Variants in GALNT13 observed in about 807,000 individuals in gnomAD.
The protein encoded by GALNT13 is UDP-GalNAc:polypeptide N-acetylgalactosaminyltransferase 13.
GALNT13 carries 28 observed loss-of-function variants against 64.2 expected under a neutral mutation model. The observed-to-expected ratio is 0.44, with a 90% confidence interval of 0.32 to 0.60. The LOEUF is 0.60. GALNT13 is among the 20% of genes least tolerant of loss of function. The probability of loss-of-function intolerance (pLI) is 0.05; values close to 1 mark genes in which losing one functional copy is unlikely to be tolerated. For missense variants in GALNT13, 577 were observed against 669.8 expected (o/e 0.86, Z 1.53); for synonymous variants, 214 against 224.6 (o/e 0.95, Z 0.42).
the GALNT13 span, among the ~76,000 whole-genome samples, chr2:153,389,481 C>T: frequency 6.6e-6 from 1 of 152,106 alleles, no homozygotes; most frequent in South Asian, 2.1e-4. Flanking sequence ...TTCAAACAAG[C>T]ACAAGGTCTA....
intron 4 of GALNT13, among the ~76,000 whole-genome samples, chr2:154,176,010 G>A (rs1240495564): frequency 6.6e-6 from 1 of 151,722 alleles, no homozygotes; most frequent in Admixed American, 6.6e-5. Flanking sequence ...CACTGTCAAG[G>A]TAGTAAAAAA....
rs1213090997 is a variant in GALNT13, at chr2:153,974,626, TA to T, written c.142+29994del. Reference sequence around the variant, plus strand: ...AGGCTAATAAGCAATAAATGCTATGTAAAAAAATAAGTGGATATGGGGCTAT... The same window carrying T: ...AGGCTAATAAGCAATAAATGCTATGTAAAAAATAAGTGGATATGGGGCTAT... On this transcript the variant is annotated intron_variant, in intron 3 of 12. Coordinates refer to ENST00000392825, the MANE Select transcript of GALNT13 (RefSeq NM_052917.4). 2.0e-5 allele frequency among the ~76,000 whole-genome samples: 3 copies of T among 152,056 alleles called. No homozygotes were observed. In the Middle Eastern group the frequency reaches 0.01, roughly 521 times the overall value.
At chr2:153,805,629 T>C in the GALNT13 span, among the ~76,000 whole-genome samples, 77 of 152,158 alleles carry the variant, frequency 5.1e-4, no homozygotes, top group Non-Finnish European at 2.9e-5. Flanking sequence ...CCTGTAGATG[T>C]AGTACAACTA....
the GALNT13 span, among the ~76,000 whole-genome samples, chr2:153,345,727 T>G: frequency 0.023 from 2,420 of 103,358 alleles, 98 homozygotes; most frequent in African/African-American, 0.054. Context: ...CTGTCCTTCC[T>G]TCCTTCCTTC....
At chr2:153,776,348 G>T in the GALNT13 span, among the ~76,000 whole-genome samples, 1 of 152,166 alleles carries the variant, frequency 6.6e-6, no homozygotes, top group Non-Finnish European at 1.5e-5. Context: ...CAAGTCTGGT[G>T]TTCTTATTCT....
chr2:154,253,871 A>G (rs1467063163), intron 7 of GALNT13, among the ~76,000 whole-genome samples: 1 of 152,226 alleles, frequency 6.6e-6, no homozygotes, highest in East Asian at 1.9e-4. Context: ...ATATCCATTA[A>G]TAGTCTAATA....
At chr2:153,965,566 G>T (rs897741029) in intron 3 of GALNT13, among the ~76,000 whole-genome samples, 6 of 152,002 alleles carry the variant, frequency 3.9e-5, no homozygotes, top group African/African-American at 1.2e-4. Flanking sequence ...GAACAGGACG[G>T]TCTTGTTTTT....
intron 10 of GALNT13, among the ~76,000 whole-genome samples, chr2:154,406,843 G>T (rs1184415308): frequency 6.6e-6 from 1 of 152,112 alleles, no homozygotes; most frequent in Non-Finnish European, 1.5e-5. Flanking sequence ...CCTGGTATGA[G>T]ATATACATTT....
intron 4 of GALNT13, chr2:154,236,304 A>C: frequency 5.8e-6 from 2 of 346,602 alleles, no homozygotes; most frequent in Non-Finnish European, 8.4e-6. Flanking sequence ...CTTTATGGTA[A>C]AGTACTTGAG....
chr2:154,097,935 C>T (rs563105602), intron 3 of GALNT13, among the ~76,000 whole-genome samples: 1 of 151,858 alleles, frequency 6.6e-6, no homozygotes, highest in Non-Finnish European at 1.5e-5. Flanking sequence ...TAATTTAATC[C>T]TGCATTTTTA....
chr2:153,799,462 G>A, the GALNT13 span, among the ~76,000 whole-genome samples: 2 of 152,090 alleles, frequency 1.3e-5, no homozygotes, highest in East Asian at 3.9e-4. Flanking sequence ...AAAACTGGGA[G>A]TAATGCAAAG....
the GALNT13 span, among the ~76,000 whole-genome samples, chr2:153,649,110 G>A: frequency 6.6e-6 from 1 of 152,044 alleles, no homozygotes; most frequent in African/African-American, 2.4e-5. Context: ...TTTTTTGGTT[G>A]GTAAGCTATT....
At chr2:154,187,369 AACACACACACACAC>A (rs10578569) in intron 4 of GALNT13, among the ~76,000 whole-genome samples, 136 of 140,344 alleles carry the variant, frequency 9.7e-4, no homozygotes, top group Middle Eastern at 3.6e-3. Context: ...GATAGGAGAA[AACACACACACACAC>A]ACACACACAC....
At chr2:154,406,526 CCAT>C (rs1221112011) in intron 10 of GALNT13, among the ~76,000 whole-genome samples, 2 of 152,132 alleles carry the variant, frequency 1.3e-5, no homozygotes, top group Admixed American at 6.6e-5. Flanking sequence ...CAGGGAGCAT[CCAT>C]TTGCTGTTCC....
At chr2:154,201,948 A>T (rs924148882) in intron 4 of GALNT13, among the ~76,000 whole-genome samples, 7 of 152,094 alleles carry the variant, frequency 4.6e-5, no homozygotes, top group African/African-American at 1.7e-4. Context: ...ACCTAATTTT[A>T]TTATTGCTGT....
At chr2:153,786,708 C>T in the GALNT13 span, among the ~76,000 whole-genome samples, 1 of 152,022 alleles carries the variant, frequency 6.6e-6, no homozygotes, top group African/African-American at 2.4e-5. Context: ...CTCCCAGTAA[C>T]AGCGGCTCCA....
chr2:153,131,455 A>G, the GALNT13 span, among the ~76,000 whole-genome samples: 1 of 151,670 alleles, frequency 6.6e-6, no homozygotes, highest in South Asian at 2.1e-4. Flanking sequence ...TATATTCAAG[A>G]AGACATCTAG....
At chr2:154,018,587 G>T (rs904656308) in intron 3 of GALNT13, among the ~76,000 whole-genome samples, 2 of 151,962 alleles carry the variant, frequency 1.3e-5, no homozygotes, top group African/African-American at 2.4e-5. Flanking sequence ...TGATGCAAAA[G>T]GTGAGGGGAT....
At chr2:153,457,650 A>G in the GALNT13 span, among the ~76,000 whole-genome samples, 2 of 152,250 alleles carry the variant, frequency 1.3e-5, no homozygotes, top group Non-Finnish European at 2.9e-5. Context: ...TACTTAAAAA[A>G]AATCACTGAG....
Sources: allele counts gnomAD v4.1 joint callset (sites outside exome capture counted in the v4.1 genomes callset), GRCh38; gene constraint gnomAD v4.1.1; transcripts MANE v1.5; gene names NCBI Gene and HGNC (gene_info 2026-07-23, HGNC 2026-07-21).